Variants in GLRA1 observed in about 807,000 individuals in gnomAD.
GLRA1 encodes the protein glycine receptor alpha 1.
In GLRA1, 37 loss-of-function variants were observed where a neutral mutation model predicts 48.3. The observed-to-expected ratio is 0.77, with a 90% CI of 0.59 to 1.01. GLRA1 has a LOEUF of 1.01. Ranked by LOEUF, GLRA1 falls within the 50% of genes least tolerant of loss-of-function variation. The probability of loss-of-function intolerance (pLI) is 0.00; values close to 1 mark genes in which losing one functional copy is unlikely to be tolerated. For missense variants in GLRA1, 427 were observed against 571.0 expected (o/e 0.75, Z 2.57); for synonymous variants, 196 against 210.7 (o/e 0.93, Z 0.60).
intron 1 of GLRA1, among the ~76,000 whole-genome samples, chr5:151,909,970 A>G (rs1754569512): frequency 6.6e-6 from 1 of 152,006 alleles, no homozygotes. Context: ...AGTCACCCTG[A>G]TGAGAGTATG....
intron 4 of GLRA1, 110 bp from the exon 5 acceptor site, chr5:151,856,493 CA>C: frequency 1.4e-6 from 1 of 729,934 alleles, no homozygotes; most frequent in Non-Finnish European, 2.5e-6. Context: ...GAAAGAAGGT[CA>C]GGGAACTTGT....
At chr5:151,914,812 A>G (rs984255132) in intron 1 of GLRA1, among the ~76,000 whole-genome samples, 4 of 152,218 alleles carry the variant, frequency 2.6e-5, no homozygotes, top group East Asian at 1.9e-4. Flanking sequence ...GAGAGCTCGT[A>G]TCTACTTACA....
At chr5:151,835,336 C>T (rs946018901) in intron 7 of GLRA1, among the ~76,000 whole-genome samples, 1 of 152,090 alleles carries the variant, frequency 6.6e-6, no homozygotes. Context: ...CCAAATTCTA[C>T]AAGAGGTACA....
chr5:151,823,130 G>A (rs1763185832), intron 8 of GLRA1, 167 bp from the exon 9 acceptor site: 1 of 621,458 alleles, frequency 1.6e-6, no homozygotes. Context: ...GGGGAGTTCT[G>A]CCTTATAGAG....
chr5:151,857,700 T>G (rs1753084834), intron 4 of GLRA1, among the ~76,000 whole-genome samples: 1 of 152,232 alleles, frequency 6.6e-6, no homozygotes, highest in Non-Finnish European at 1.5e-5. Flanking sequence ...TGTTCAACCC[T>G]GACAGAGGCC....
At chr5:151,827,845 G>A (rs1218355956) in intron 8 of GLRA1, among the ~76,000 whole-genome samples, 1 of 152,102 alleles carries the variant, frequency 6.6e-6, no homozygotes, top group African/African-American at 2.4e-5. Context: ...CAGACTCTCT[G>A]TCTGAAGGCT....
intron 7 of GLRA1, among the ~76,000 whole-genome samples, chr5:151,845,562 A>C (rs1403311217): frequency 6.6e-6 from 1 of 152,234 alleles, no homozygotes; most frequent in Admixed American, 6.5e-5. Context: ...ATAGTTAAAA[A>C]AAACAGATAA....
intron 3 of GLRA1, among the ~76,000 whole-genome samples, chr5:151,863,104 C>G (rs1238823087): frequency 6.6e-6 from 1 of 152,150 alleles, no homozygotes; most frequent in East Asian, 1.9e-4. Context: ...AGAAATATTT[C>G]CATTAAGAAA....
At chr5:151,881,710 A>G (rs1423876092) in intron 3 of GLRA1, among the ~76,000 whole-genome samples, 1 of 152,038 alleles carries the variant, frequency 6.6e-6, no homozygotes, top group Non-Finnish European at 1.5e-5. Flanking sequence ...AGAAAAGGTC[A>G]GTTAAAGGAC....
chr5:151,839,109 T>G (rs915450479), intron 7 of GLRA1, among the ~76,000 whole-genome samples: 1 of 152,248 alleles, frequency 6.6e-6, no homozygotes, highest in Non-Finnish European at 1.5e-5. Flanking sequence ...GATAACATTT[T>G]CAAAGTGCTG....
In GLRA1 at chr5:151,901,162, G is replaced by T. The variant is rs114598356; in HGVS notation, c.57-8724C>A. Among the ~76,000 whole-genome samples the T allele has an allele frequency of 8.0e-3, 1,216 of 152,250 alleles. 19 individuals are homozygous for T. The highest frequency in any genetic ancestry group is 0.028 in the African/African-American group (1,144 of 41,542). On this transcript the variant is annotated intron_variant, in intron 1 of 8. Coordinates refer to ENST00000274576, the MANE Select transcript of GLRA1 (RefSeq NM_000171.4). The stretch of plus-strand genomic sequence containing the variant: ...TCACACGAAATGTCTTGGACCACTG[G>T]CCTAGGTCAAACCTATGTTTGCGCA...
intron 1 of GLRA1, among the ~76,000 whole-genome samples, chr5:151,908,398 A>G (rs1754527789): frequency 1.3e-5 from 2 of 151,874 alleles, no homozygotes; most frequent in South Asian, 4.2e-4. Context: ...TCCCTCCTAC[A>G]TTCTTTTTCC....
intron 3 of GLRA1, among the ~76,000 whole-genome samples, chr5:151,860,303 G>A (rs1753161757): frequency 6.6e-6 from 1 of 152,046 alleles, no homozygotes; most frequent in Non-Finnish European, 1.5e-5. Flanking sequence ...TTCAAAGATG[G>A]ATGTAATGAA....
intron 6 of GLRA1, among the ~76,000 whole-genome samples, chr5:151,851,921 C>T (rs1752924613): frequency 6.6e-6 from 1 of 152,090 alleles, no homozygotes; most frequent in African/African-American, 2.4e-5. Context: ...CCATCATCAT[C>T]ATCATCATCA....
intron 8 of GLRA1, among the ~76,000 whole-genome samples, chr5:151,826,121 T>A (rs537324341): frequency 9.9e-5 from 15 of 152,280 alleles, no homozygotes; most frequent in Middle Eastern, 6.8e-3. Context: ...AAAATATCCC[T>A]GGTTAGAAGG....
intron 3 of GLRA1, among the ~76,000 whole-genome samples, chr5:151,867,731 GCTGGTGTTCAAAC>G (rs1332270900): frequency 6.6e-6 from 1 of 152,094 alleles, no homozygotes; most frequent in Non-Finnish European, 1.5e-5. Flanking sequence ...AAAGAGTGGG[GCTGGTGTTCAAAC>G]CTGGTTTGTC....
chr5:151,832,883 T>C (rs1157752614), intron 7 of GLRA1, among the ~76,000 whole-genome samples: 3 of 152,172 alleles, frequency 2.0e-5, no homozygotes, highest in African/African-American at 7.2e-5. Flanking sequence ...GAAAAAATGT[T>C]AGGGGCAGCC....
chr5:151,924,399 C>A (rs1432679106), intron 1 of GLRA1, 95 bp downstream of exon 1: 1 of 839,524 alleles, frequency 1.2e-6, no homozygotes, highest in African/African-American at 1.7e-5. Flanking sequence ...CAGCACCCCT[C>A]TTCCCCAAAA....
At chr5:151,844,101 C>T (rs182221831) in intron 7 of GLRA1, among the ~76,000 whole-genome samples, 5 of 150,144 alleles carry the variant, frequency 3.3e-5, no homozygotes, top group Non-Finnish European at 5.9e-5. Flanking sequence ...ACTCAGGAGG[C>T]GGAGGTTGCA....
Sources: gnomAD v4.1 joint callset for allele counts (sites outside exome capture counted in the v4.1 genomes callset) on GRCh38, gnomAD v4.1.1 for gene constraint, MANE v1.5 for transcripts, NCBI Gene and HGNC (gene_info 2026-07-23, HGNC 2026-07-21) for gene names.